IQSEC1: variants seen among roughly 807,000 people sequenced by gnomAD.
The protein encoded by IQSEC1 is IQ motif and SEC7 domain-containing protein 1.
In IQSEC1, 31 loss-of-function variants were observed where a neutral mutation model predicts 91.0. That is an observed-to-expected ratio of 0.34 (90% CI 0.26 to 0.46). IQSEC1 has a LOEUF of 0.46. Among genes scored for constraint, IQSEC1 ranks in the 20% least tolerant of loss-of-function variants. The pLI is 1.00. For synonymous variants in IQSEC1, 699 were observed against 662.6 expected (o/e 1.05, Z -0.84); for missense variants, 1,388 against 1,575.6 (o/e 0.88, Z 2.02).
intron 2 of IQSEC1, among the ~76,000 whole-genome samples, chr3:13,136,848 A>G (rs1050265182): frequency 1.3e-4 from 20 of 152,192 alleles, no homozygotes; most frequent in Non-Finnish European, 2.6e-4. Context: ...TTTAAAAATC[A>G]TTCTGGGGCC....
chr3:13,159,573 C>T (rs1006835181), intron 2 of IQSEC1, among the ~76,000 whole-genome samples: 6 of 152,170 alleles, frequency 3.9e-5, no homozygotes, highest in African/African-American at 1.4e-4. Context: ...CACCTTTGCA[C>T]TCGAAATCCA....
intron 1 of IQSEC1, among the ~76,000 whole-genome samples, chr3:12,984,299 C>G (rs552528252): frequency 6.6e-6 from 1 of 152,180 alleles, no homozygotes; most frequent in African/African-American, 2.4e-5. Flanking sequence ...CCTTTGCTAG[C>G]GAGCATACTC....
At position 13,106,625 on chromosome 3, in the gene IQSEC1, T is replaced by G. The variant is rs1706157140; in HGVS notation, c.302+57479A>C. ...CTTAACCCTTAGGCAGCACTGCCTC[T>G]CCACAGAACAAGGCTGATCCACATT... On this transcript the variant is annotated intron_variant, in intron 2 of 15. Transcript: ENST00000648114. Among the ~76,000 whole-genome samples, 2 of 152,280 alleles carry G rather than the reference T, an allele frequency of 1.3e-5. 1 individual carries two copies. The highest frequency in any genetic ancestry group is 1.3e-4 in the Admixed American group (2 of 15,298).
At position 13,073,329 on chromosome 3, in the gene IQSEC1, A is replaced by T. The variant is rs1350033906; in HGVS notation, c.-315T>A. Among the ~76,000 whole-genome samples, 2 of 152,112 alleles carry T rather than the reference A, an allele frequency of 1.3e-5. No homozygotes were observed. The highest frequency in any genetic ancestry group is 6.5e-5 in the Admixed American group (1 of 15,278). On this transcript the variant is annotated 5_prime_UTR_variant, in exon 1 of 14. Coordinates refer to ENST00000613206, the MANE Select transcript of IQSEC1 (RefSeq NM_001134382.3). Reference sequence around the variant, plus strand: ...GTCCACCTCGCTGCTACCTGGGCCCACCTTGGGGTTTTTCCCTCCCGTCCA... The same window carrying T: ...GTCCACCTCGCTGCTACCTGGGCCCTCCTTGGGGTTTTTCCCTCCCGTCCA...
chr3:13,072,162 C>T (rs62232912), intron 1 of IQSEC1, among the ~76,000 whole-genome samples: 16,763 of 152,238 alleles, frequency 0.11, 1,282 homozygotes, highest in East Asian at 0.28. Context: ...GGTCACTGCA[C>T]AGCCCCAAAT....
Position 13,015,599 on chromosome 3 carries a change from G to A in IQSEC1, c.23+57393C>T, listed in dbSNP as rs148947865. On this transcript the variant is annotated intron_variant, in intron 1 of 13. Transcript: ENST00000613206. Reference sequence around the variant, plus strand: ...TCACAGTCTCAAAGTGGAGGGGGCGGAGGTGTCCCTGGAACCCCAGTGCCT... The same window carrying A: ...TCACAGTCTCAAAGTGGAGGGGGCGAAGGTGTCCCTGGAACCCCAGTGCCT... 2,891 of 985,356 alleles carry A rather than the reference G, an allele frequency of 2.9e-3. 7 individuals carry two copies. The highest frequency in any genetic ancestry group is 3.3e-3 in the Non-Finnish European group (2,756 of 829,884). The allele number at this position is 985,356 out of a possible 1,614,324, so 61.0% of individuals were successfully genotyped here. A position where few individuals can be genotyped will look rare whatever the true frequency, so the allele number is the denominator to read the frequency against.
At chr3:13,219,983 C>T (rs955090720) in intron 1 of IQSEC1, among the ~76,000 whole-genome samples, 4 of 152,264 alleles carry the variant, frequency 2.6e-5, no homozygotes, top group Admixed American at 6.5e-5. Flanking sequence ...AAACCTGAAA[C>T]GTGGCAAAAG....
At chr3:13,237,531 G>C (rs569214926) in intron 1 of IQSEC1, among the ~76,000 whole-genome samples, 110 of 152,334 alleles carry the variant, frequency 7.2e-4, no homozygotes, top group African/African-American at 2.6e-3. Flanking sequence ...CTCTGAACCG[G>C]TGCAGGCCCC....
chr3:13,098,004 G>T (rs1705993755), intron 2 of IQSEC1, among the ~76,000 whole-genome samples: 1 of 152,218 alleles, frequency 6.6e-6, no homozygotes, highest in Admixed American at 6.5e-5. Flanking sequence ...GCTTCTGAAG[G>T]CCAAGCCTGA....
At chr3:13,107,703 C>T (rs534922648) in intron 2 of IQSEC1, among the ~76,000 whole-genome samples, 5 of 152,256 alleles carry the variant, frequency 3.3e-5, no homozygotes, top group Non-Finnish European at 5.9e-5. Context: ...TCCCTAGGCC[C>T]GAGACCCTGG....
In IQSEC1 at chr3:13,282,568, G is replaced by T. The variant is rs1358346616; in HGVS notation, c.272+143C>A. The stretch of plus-strand genomic sequence containing the variant: ...AGAGAATCCCAGGGAGCCCCTGGGG[G>T]TCTGGCGGCGGGTGTGGGCGCTCCC... On this transcript the variant is annotated intron_variant, in intron 1 of 15. Coordinates refer to the IQSEC1 transcript ENST00000648114. The surrounding 1 kb of genome is among the most constrained non-coding windows in gnomAD (Gnocchi z 6.4). Among the ~76,000 whole-genome samples, 2 of 151,794 alleles carry T rather than the reference G, an allele frequency of 1.3e-5. No individual in the cohort carries two copies. The highest frequency in any genetic ancestry group is 2.9e-5 in the Non-Finnish European group (2 of 67,866).
intron 1 of IQSEC1, among the ~76,000 whole-genome samples, chr3:13,187,491 A>G (rs2125027887): frequency 6.6e-6 from 1 of 152,354 alleles, no homozygotes; most frequent in South Asian, 2.1e-4. Flanking sequence ...TAATCTGAAT[A>G]TATTTACATA....
At chr3:13,122,846 G>T (rs1246137336) in intron 2 of IQSEC1, among the ~76,000 whole-genome samples, 1 of 152,140 alleles carries the variant, frequency 6.6e-6, no homozygotes, top group Non-Finnish European at 1.5e-5. Flanking sequence ...CGAGGGGGAG[G>T]CAGCGTCCCT....
intron 2 of IQSEC1, among the ~76,000 whole-genome samples, chr3:13,144,355 T>A (rs1004562347): frequency 6.6e-6 from 1 of 152,302 alleles, no homozygotes; most frequent in Non-Finnish European, 1.5e-5. Flanking sequence ...CACCGCCACG[T>A]GGCTGTCAGG....
At chr3:13,053,091 C>A (rs1334569041) in intron 1 of IQSEC1, 2 of 976,904 alleles carry the variant, frequency 2.0e-6, no homozygotes, top group African/African-American at 3.2e-5. Context: ...GGCCAGGAAT[C>A]GCTTACTCCT....
Position 12,924,522 on chromosome 3 carries a change from CAG to C in IQSEC1, c.1730+57_1730+58del, listed in dbSNP as rs1239673335. The C allele has an allele frequency of 5.2e-5, 79 of 1,507,310 alleles. No homozygotes were observed. Among genetic ancestry groups the C allele is most frequent in the Middle Eastern group, 1.8e-4 (1 of 5,642 alleles). 93.4% of individuals were successfully genotyped at this position (1,507,310 alleles called of 1,614,324 possible). A position where few individuals can be genotyped will look rare whatever the true frequency, so the allele number is the denominator to read the frequency against. On this transcript the variant is annotated intron_variant, in intron 4 of 13. Transcript: ENST00000613206. The surrounding 1 kb of genome is among the most constrained non-coding windows in gnomAD (Gnocchi z 6.3). ...GCCCTGTGTGTGCCCACGGGTAACACAGGGTGCGTGAGGGCGTGTGTGGAATC... is the reference window on the plus strand; with the variant it reads ...GCCCTGTGTGTGCCCACGGGTAACACGGTGCGTGAGGGCGTGTGTGGAATC...
chr3:13,068,992 G>T (rs1007985844), intron 1 of IQSEC1, among the ~76,000 whole-genome samples: 5 of 152,210 alleles, frequency 3.3e-5, no homozygotes, highest in African/African-American at 1.2e-4. Flanking sequence ...CTAGCTGAAG[G>T]CAGGGAAGTG....
intron 2 of IQSEC1, among the ~76,000 whole-genome samples, chr3:13,140,643 G>A (rs1706784711): frequency 6.6e-6 from 1 of 152,204 alleles, no homozygotes; most frequent in South Asian, 2.1e-4. Context: ...CCCAGACAGA[G>A]ATGGGGCAAT....
At chr3:13,187,234 C>T (rs1693949455) in intron 1 of IQSEC1, among the ~76,000 whole-genome samples, 1 of 152,178 alleles carries the variant, frequency 6.6e-6, no homozygotes, top group Non-Finnish European at 1.5e-5. Flanking sequence ...AAGGAGCTTG[C>T]AGTCTAGCTG....
Sources: allele counts gnomAD v4.1 joint callset (sites outside exome capture counted in the v4.1 genomes callset), GRCh38; gene constraint gnomAD v4.1.1; non-coding constraint Gnocchi (gnomAD v3.1); transcripts MANE v1.5; gene names NCBI Gene and HGNC (gene_info 2026-07-23, HGNC 2026-07-21).